The following REDIC1 variants were observed in gnomAD, a reference collection of about 807,000 sequenced individuals.
REDIC1 encodes the protein HEI10 Interacting Protein 1.
chr12:39,777,703 C>T, the REDIC1 span, among the ~76,000 whole-genome samples: 2 of 152,072 alleles, frequency 1.3e-5, no homozygotes, highest in East Asian at 3.9e-4. Flanking sequence ...GGTGGCTGGC[C>T]GTCGAGAGGA....
chr12:39,690,050 C>A, the REDIC1 span, among the ~76,000 whole-genome samples: 2 of 152,070 alleles, frequency 1.3e-5, no homozygotes, highest in Non-Finnish European at 1.5e-5. Flanking sequence ...TGCAGTGGAA[C>A]CCTGACTAAA....
chr12:39,813,096 C>T, the REDIC1 span, among the ~76,000 whole-genome samples: 96 of 143,284 alleles, frequency 6.7e-4, no homozygotes, highest in African/African-American at 2.1e-3. Flanking sequence ...CCACCTACCT[C>T]GGCCTCCCAA....
the REDIC1 span, among the ~76,000 whole-genome samples, chr12:39,722,664 C>A: frequency 6.6e-6 from 1 of 152,064 alleles, no homozygotes; most frequent in Non-Finnish European, 1.5e-5. Flanking sequence ...AAAGTACACA[C>A]CTAGTTCTGT....
the REDIC1 span, among the ~76,000 whole-genome samples, chr12:39,713,303 C>CGTGTATATATGTGTAT: frequency 2.1e-4 from 3 of 14,414 alleles, no homozygotes; most frequent in Admixed American, 1.0e-3. Flanking sequence ...TGTGTACACA[C>CGTGTATATATGTGTAT]ACATACGTGT....
chr12:39,806,965 C>T, the REDIC1 span, among the ~76,000 whole-genome samples: 2 of 152,084 alleles, frequency 1.3e-5, no homozygotes, highest in African/African-American at 4.8e-5. Flanking sequence ...AGCCAGTCCC[C>T]AAAGATTACA....
At chr12:39,654,342 CTT>C in the REDIC1 span, among the ~76,000 whole-genome samples, 5 of 152,120 alleles carry the variant, frequency 3.3e-5, no homozygotes, top group South Asian at 1.0e-3. Flanking sequence ...AATCCCAGCA[CTT>C]TGGGAGGCCA....
chr12:39,752,890 G>T, the REDIC1 span, among the ~76,000 whole-genome samples: 1 of 152,174 alleles, frequency 6.6e-6, no homozygotes, highest in Non-Finnish European at 1.5e-5. Flanking sequence ...TCTATGCAGT[G>T]GTTTCTAAAC....
the REDIC1 span, among the ~76,000 whole-genome samples, chr12:39,838,710 C>T: frequency 2.6e-5 from 4 of 152,000 alleles, no homozygotes; most frequent in Non-Finnish European, 4.4e-5. Context: ...ATATGTTTCA[C>T]GTGGCACCCA....
the REDIC1 span, among the ~76,000 whole-genome samples, chr12:39,891,634 A>G: frequency 0.44 from 66,335 of 151,918 alleles, 15,019 homozygotes; most frequent in Middle Eastern, 0.53. Context: ...GCAGCCTATT[A>G]CTGCTGACAA....
chr12:39,781,391 G>GA, the REDIC1 span, among the ~76,000 whole-genome samples: 1 of 6,286 alleles, frequency 1.6e-4, no homozygotes, highest in African/African-American at 2.0e-3. Context: ...AGTCTGGCCT[G>GA]CCCCCTCCAG....
chr12:39,685,227 G>A, the REDIC1 span, among the ~76,000 whole-genome samples: 1 of 152,146 alleles, frequency 6.6e-6, no homozygotes, highest in Non-Finnish European at 1.5e-5. Flanking sequence ...TTGCTATAAA[G>A]AAATACCTAA....
At chr12:39,863,223 A>T in the REDIC1 span, among the ~76,000 whole-genome samples, 3 of 152,164 alleles carry the variant, frequency 2.0e-5, no homozygotes, top group Non-Finnish European at 4.4e-5. Context: ...AATACCTTAC[A>T]TCATAAGGAT....
the REDIC1 span, among the ~76,000 whole-genome samples, chr12:39,705,233 GAC>G: frequency 6.6e-6 from 1 of 151,910 alleles, no homozygotes; most frequent in Non-Finnish European, 1.5e-5. Context: ...CAAATTCCTA[GAC>G]ACACACAATT....
chr12:39,847,237 A>G, the REDIC1 span, among the ~76,000 whole-genome samples: 1 of 152,128 alleles, frequency 6.6e-6, no homozygotes, highest in African/African-American at 2.4e-5. Context: ...AAATTAACAT[A>G]TCCCCTAGCT....
At chr12:39,708,536 C>G in the REDIC1 span, among the ~76,000 whole-genome samples, 3 of 151,798 alleles carry the variant, frequency 2.0e-5, no homozygotes, top group East Asian at 3.9e-4. Context: ...ATATTTTCTT[C>G]TAGTACTAAT....
chr12:39,872,032 A>T, the REDIC1 span: 99 of 1,328,156 alleles, frequency 7.5e-5, no homozygotes, highest in Non-Finnish European at 8.9e-5. Flanking sequence ...TGATAGAAAA[A>T]GATGTATTCA....
the REDIC1 span, among the ~76,000 whole-genome samples, chr12:39,714,791 G>T: frequency 6.6e-6 from 1 of 151,842 alleles, no homozygotes; most frequent in Non-Finnish European, 1.5e-5. Flanking sequence ...TTGTGGTTTT[G>T]ATTTGCATTT....
At chr12:39,737,898 G>A in the REDIC1 span, among the ~76,000 whole-genome samples, 203 of 152,226 alleles carry the variant, frequency 1.3e-3, 1 homozygote, top group African/African-American at 4.6e-3. Flanking sequence ...CCATCCTGTG[G>A]TTCACATTTG....
the REDIC1 span, among the ~76,000 whole-genome samples, chr12:39,873,683 A>G: frequency 6.6e-6 from 1 of 152,238 alleles, no homozygotes; most frequent in South Asian, 2.1e-4. Context: ...TTCATTTTCA[A>G]TAAAATAAAA....
Sources: gnomAD v4.1 joint callset for allele counts (sites outside exome capture counted in the v4.1 genomes callset) on GRCh38, gnomAD v4.1.1 for gene constraint, MANE v1.5 for transcripts, NCBI Gene and HGNC (gene_info 2026-07-23, HGNC 2026-07-21) for gene names.